Variants in CAMTA1 observed in about 807,000 individuals in gnomAD.
CAMTA1 encodes calmodulin binding transcription activator 1.
CAMTA1 carries 27 observed loss-of-function variants against 170.9 expected under a neutral mutation model. That is an observed-to-expected ratio of 0.16 (90% CI 0.12 to 0.22). CAMTA1 has a LOEUF of 0.22. Ranked by LOEUF, CAMTA1 falls within the 10% of genes least tolerant of loss-of-function variation. CAMTA1 has a pLI of 1.00. For missense variants in CAMTA1, 1,619 were observed against 2,217.2 expected (o/e 0.73, Z 5.42); for synonymous variants, 833 against 891.5 (o/e 0.93, Z 1.17).
At chr1:7,052,524 C>T (rs1415323623) in intron 3 of CAMTA1, among the ~76,000 whole-genome samples, 3 of 152,174 alleles carry the variant, frequency 2.0e-5, no homozygotes, top group East Asian at 3.9e-4. Context: ...GCTGCCCCAG[C>T]CATTCCTGGT....
At chr1:7,244,524 A>G (rs966090272) in intron 4 of CAMTA1, among the ~76,000 whole-genome samples, 1 of 152,382 alleles carries the variant, frequency 6.6e-6, no homozygotes. Context: ...GGATTAAGAA[A>G]ATGTGGCACA....
At chr1:7,120,531 G>A (rs949865064) in intron 4 of CAMTA1, among the ~76,000 whole-genome samples, 34 of 152,200 alleles carry the variant, frequency 2.2e-4, no homozygotes, top group African/African-American at 6.8e-4. Flanking sequence ...CCTGCTGGCC[G>A]TATGTGAACA....
At position 7,680,184 on chromosome 1, in the gene CAMTA1, G is replaced by T; in HGVS notation, c.2914+2451G>T. The stretch of plus-strand genomic sequence containing the variant: ...CACGGGGCCTGGCCATGAACTTTGC[G>T]TCCGGGCCAATGCTGCAGTGGCCGG... On this transcript the variant is annotated intron_variant, in intron 11 of 22. Transcript: ENST00000303635. The surrounding 1 kb of genome is among the most constrained non-coding windows in gnomAD (Gnocchi z 4.4). 1 of 272,502 alleles carries T rather than the reference G, an allele frequency of 3.7e-6. No individual in the cohort carries two copies. The highest frequency in any genetic ancestry group is 8.0e-6 in the Non-Finnish European group (1 of 124,362). 16.9% of individuals were successfully genotyped at this position (272,502 alleles called of 1,614,324 possible).
intron 4 of CAMTA1, among the ~76,000 whole-genome samples, chr1:7,244,138 A>C (rs1665364615): frequency 6.6e-6 from 1 of 152,234 alleles, no homozygotes. Context: ...ACACATGAAA[A>C]AATGCTCATC....
At chr1:7,233,897 C>T (rs535495977) in intron 4 of CAMTA1, among the ~76,000 whole-genome samples, 1 of 152,298 alleles carries the variant, frequency 6.6e-6, no homozygotes, top group Non-Finnish European at 1.5e-5. Flanking sequence ...GTCATAACCC[C>T]TCTGCCCTGG....
At chr1:7,622,639 C>T (rs1353717604) in intron 6 of CAMTA1, among the ~76,000 whole-genome samples, 1 of 152,254 alleles carries the variant, frequency 6.6e-6, no homozygotes, top group Admixed American at 6.5e-5. Context: ...CAGCATGAGC[C>T]TATCCTGGTG....
intron 5 of CAMTA1, among the ~76,000 whole-genome samples, chr1:7,459,606 C>G (rs1440875198): frequency 1.3e-5 from 2 of 152,210 alleles, no homozygotes; most frequent in African/African-American, 4.8e-5. Flanking sequence ...ATCAGCGTAG[C>G]ACACTCAGGC....
chr1:7,512,067 C>T (rs908493829), intron 6 of CAMTA1, among the ~76,000 whole-genome samples: 3 of 152,242 alleles, frequency 2.0e-5, no homozygotes, highest in African/African-American at 7.2e-5. Context: ...CTGGAAGGAA[C>T]TGAGGCCTTT....
intron 11 of CAMTA1, among the ~76,000 whole-genome samples, chr1:7,687,549 T>G (rs1363686820): frequency 1.3e-5 from 2 of 152,182 alleles, no homozygotes; most frequent in Non-Finnish European, 2.9e-5. Flanking sequence ...AGGAGCCTCC[T>G]GGACTCTTGC....
intron 3 of CAMTA1, among the ~76,000 whole-genome samples, chr1:7,037,769 C>T (rs368086536): frequency 8.0e-4 from 120 of 150,938 alleles, no homozygotes; most frequent in Admixed American, 7.9e-4. Context: ...ACCCGGGAGG[C>T]GGAGCTTGCA....
chr1:7,200,107 C>T (rs559342433), intron 4 of CAMTA1, among the ~76,000 whole-genome samples: 9 of 152,256 alleles, frequency 5.9e-5, no homozygotes, highest in South Asian at 2.1e-4. Context: ...GTATATCATT[C>T]GCCAGATTTC....
intron 3 of CAMTA1, among the ~76,000 whole-genome samples, chr1:6,935,220 T>G (rs1274825370): frequency 6.6e-6 from 1 of 152,180 alleles, no homozygotes; most frequent in East Asian, 1.9e-4. Flanking sequence ...TAAAGTATTA[T>G]GAAACCAATC....
rs57358691 is a variant in CAMTA1 at position 7,144,236 on chromosome 1, A to AGTGTGTGT, written c.302+52874_302+52881dup. Among the ~76,000 whole-genome samples the AGTGTGTGT allele has an allele frequency of 9.7e-3, 1,456 of 150,490 alleles. 22 individuals are homozygous for AGTGTGTGT. The highest frequency in any genetic ancestry group is 0.033 in the African/African-American group (1,349 of 40,978). On this transcript the variant is annotated intron_variant, in intron 4 of 22. Coordinates refer to ENST00000303635, the MANE Select transcript of CAMTA1 (RefSeq NM_015215.4). The surrounding 1 kb of genome is among the most constrained non-coding windows in gnomAD (Gnocchi z 4.0). ...CTATGTCCTCAGATGGCCTTTTCTA[A>AGTGTGTGT]GTGTGTGTGTGTGTGTATGTGTGTG...
intron 1 of CAMTA1, among the ~76,000 whole-genome samples, chr1:6,786,419 T>G (rs11122147): frequency 0.18 from 26,845 of 152,084 alleles, 2,617 homozygotes; most frequent in East Asian, 0.29. Flanking sequence ...GTGACCCCGA[T>G]CCTTCCTTGG....
intron 4 of CAMTA1, among the ~76,000 whole-genome samples, chr1:7,159,706 G>C (rs1224645378): frequency 1.3e-5 from 2 of 151,930 alleles, no homozygotes; most frequent in Admixed American, 6.6e-5. Context: ...ATCATACCTG[G>C]CTAATTAAAA....
At chr1:7,108,422 C>T (rs994834234) in intron 4 of CAMTA1, among the ~76,000 whole-genome samples, 2 of 152,160 alleles carry the variant, frequency 1.3e-5, no homozygotes, top group East Asian at 3.8e-4. Context: ...AAACCGCAGA[C>T]CCAGATGGCC....
At position 7,249,975 on chromosome 1, in the gene CAMTA1, G is replaced by GT. The variant is rs2149304670; in HGVS notation, c.438+350dup. Reference sequence around the variant, plus strand: ...AGTGTCAGGGAAGAGGGGAGGCAGCGTAAGGAACTTCCCTCTTGAGGTGAC... The same window carrying GT: ...AGTGTCAGGGAAGAGGGGAGGCAGCGTTAAGGAACTTCCCTCTTGAGGTGAC... On this transcript the variant is annotated intron_variant, in intron 5 of 22. Coordinates refer to ENST00000303635, the MANE Select transcript of CAMTA1 (RefSeq NM_015215.4). The surrounding 1 kb of genome is among the most constrained non-coding windows in gnomAD (Gnocchi z 4.4). Among the ~76,000 whole-genome samples, 1 of 152,202 alleles carries GT rather than the reference G, an allele frequency of 6.6e-6. No homozygotes were observed. Among genetic ancestry groups the GT allele is most frequent in the South Asian group, 2.1e-4 (1 of 4,828 alleles).
At chr1:6,922,171 C>CT (rs1046481356) in intron 3 of CAMTA1, among the ~76,000 whole-genome samples, 33 of 151,986 alleles carry the variant, frequency 2.2e-4, no homozygotes, top group South Asian at 6.2e-4. Context: ...CCTTATTTCT[C>CT]TTTTTTTTGC....
At chr1:7,338,726 G>C (rs943722576) in intron 5 of CAMTA1, among the ~76,000 whole-genome samples, 1 of 152,240 alleles carries the variant, frequency 6.6e-6, no homozygotes. Context: ...TGCCTGTGCA[G>C]CGTAGATGGA....
Sources: gnomAD v4.1 joint callset for allele counts (sites outside exome capture counted in the v4.1 genomes callset) on GRCh38, gnomAD v4.1.1 for gene constraint, Gnocchi (gnomAD v3.1) non-coding constraint, MANE v1.5 for transcripts, NCBI Gene and HGNC (gene_info 2026-07-23, HGNC 2026-07-21) for gene names.